The following RIMS1 variants were observed in gnomAD, a reference collection of about 807,000 sequenced individuals.
RIMS1 encodes the protein regulating synaptic membrane exocytosis 1.
A neutral mutation model predicts 214.1 loss-of-function variants in RIMS1; 83 were observed. The ratio of observed to expected loss-of-function variants is 0.39; its 90% CI spans 0.32 to 0.47. The LOEUF (loss-of-function observed/expected upper bound fraction) is 0.47, where lower values mean the gene tolerates loss of function less well. Ranked by LOEUF, RIMS1 falls within the 20% of genes least tolerant of loss-of-function variation. The probability of loss-of-function intolerance (pLI) is 0.99; values close to 1 mark genes in which losing one functional copy is unlikely to be tolerated. For missense variants in RIMS1, 2,050 were observed against 2,161.8 expected (o/e 0.95, Z 1.03); for synonymous variants, 793 against 786.8 (o/e 1.01, Z -0.13).
Position 72,004,703 on chromosome 6 carries a change from T to C in RIMS1, c.245+35640T>C, listed in dbSNP as rs1380295294. Among the ~76,000 whole-genome samples, 16 of 151,998 alleles carry C rather than the reference T, an allele frequency of 1.1e-4. No homozygotes were observed. The East Asian group carries it at 1.9e-3, about 18-fold the overall frequency. On this transcript the variant is annotated intron_variant, in intron 2 of 33. Coordinates refer to ENST00000521978, the MANE Select transcript of RIMS1 (RefSeq NM_014989.7). ...GTGTCTGTTCATATCCTTTGCCCAC[T>C]TTTTGATGGGGTTGTTTGTTTTTTT... is the stretch of plus-strand genomic sequence containing the variant.
intron 1 of RIMS1, among the ~76,000 whole-genome samples, chr6:71,901,488 T>C (rs1416186931): frequency 6.6e-6 from 1 of 151,988 alleles, no homozygotes; most frequent in African/African-American, 2.4e-5. Context: ...AAAAACATTA[T>C]GGTAGATAGG....
At chr6:72,218,012 A>G (rs548938457) in intron 6 of RIMS1, among the ~76,000 whole-genome samples, 1 of 152,072 alleles carries the variant, frequency 6.6e-6, no homozygotes, top group Admixed American at 6.5e-5. Context: ...AAGATCATCT[A>G]TTGATGATTT....
intron 1 of RIMS1, among the ~76,000 whole-genome samples, chr6:71,919,548 G>A (rs976424786): frequency 6.6e-6 from 1 of 152,082 alleles, no homozygotes; most frequent in Non-Finnish European, 1.5e-5. Context: ...GCACTTGGGA[G>A]TCATCAGGAT....
At chr6:72,386,352 G>A (rs138498744) in intron 29 of RIMS1, among the ~76,000 whole-genome samples, 31 of 152,302 alleles carry the variant, frequency 2.0e-4, no homozygotes, top group African/African-American at 6.3e-4. Flanking sequence ...GCACTTCACC[G>A]TCATCTGGAC....
intron 2 of RIMS1, among the ~76,000 whole-genome samples, chr6:72,092,774 G>T (rs1051999286): frequency 6.6e-6 from 1 of 152,052 alleles, no homozygotes; most frequent in African/African-American, 2.4e-5. Flanking sequence ...GAAGAACATG[G>T]TGCCCTGGTG....
intron 23 of RIMS1, among the ~76,000 whole-genome samples, chr6:72,279,956 A>T (rs1315994129): frequency 6.6e-6 from 1 of 151,984 alleles, no homozygotes; most frequent in Non-Finnish European, 1.5e-5. Context: ...AATGACTGAC[A>T]GTTCATTATG....
At chr6:71,957,318 T>C (rs535396820) in intron 1 of RIMS1, among the ~76,000 whole-genome samples, 1 of 152,274 alleles carries the variant, frequency 6.6e-6, no homozygotes, top group Non-Finnish European at 1.5e-5. Context: ...TATGCAGCTT[T>C]TCAAGAGCAA....
At chr6:72,244,669 G>A (rs2068597974) in intron 10 of RIMS1, among the ~76,000 whole-genome samples, 1 of 151,628 alleles carries the variant, frequency 6.6e-6, no homozygotes, top group African/African-American at 2.4e-5. Flanking sequence ...TTATATAAAT[G>A]TATAGTCATA....
intron 4 of RIMS1, among the ~76,000 whole-genome samples, chr6:72,151,635 C>A (rs1428548740): frequency 2.6e-5 from 4 of 152,040 alleles, no homozygotes; most frequent in African/African-American, 4.8e-5. Flanking sequence ...GTCACTAATT[C>A]TTTGTTTTTC....
chr6:71,982,508 G>C (rs771302724), intron 2 of RIMS1, among the ~76,000 whole-genome samples: 8 of 152,066 alleles, frequency 5.3e-5, no homozygotes, highest in Non-Finnish European at 1.0e-4. Flanking sequence ...ACAAACCCAA[G>C]CACAGTCACA....
intron 6 of RIMS1, among the ~76,000 whole-genome samples, chr6:72,230,475 G>GT (rs899327311): frequency 5.3e-5 from 8 of 151,394 alleles, no homozygotes; most frequent in Non-Finnish European, 1.2e-4. Flanking sequence ...TAGAGGAATG[G>GT]TTTTTTTATA....
intron 29 of RIMS1, among the ~76,000 whole-genome samples, chr6:72,347,471 A>G (rs1405013705): frequency 6.6e-6 from 1 of 151,910 alleles, no homozygotes; most frequent in African/African-American, 2.4e-5. Context: ...TAGATCACAG[A>G]AAGTTTATAG....
chr6:72,106,965 A>G (rs1048185203), intron 4 of RIMS1, among the ~76,000 whole-genome samples: 1 of 152,154 alleles, frequency 6.6e-6, no homozygotes, highest in African/African-American at 2.4e-5. Flanking sequence ...ATATACTTTC[A>G]TACCTATTTT....
rs1562294511 is a variant in RIMS1, at chr6:72,093,229, A to ATATATATAT, written c.246-3720_246-3719insTATATATAT. ...ATGTGAGTATATATATATATATATA[A>ATATATATAT]AAACATGTGTGTATATATGTATATA... On this transcript the variant is annotated intron_variant, in intron 2 of 33. Coordinates refer to ENST00000521978, the MANE Select transcript of RIMS1 (RefSeq NM_014989.7). Among the ~76,000 whole-genome samples, 169 of 82,670 alleles carry ATATATATAT rather than the reference A, an allele frequency of 2.0e-3. 1 individual carries two copies. Among genetic ancestry groups the ATATATATAT allele is most frequent in the Middle Eastern group, 7.1e-3 (1 of 140 alleles). 54.2% of individuals were successfully genotyped at this position (82,670 alleles called of 152,430 possible). A position where few individuals can be genotyped will look rare whatever the true frequency, so the allele number is the denominator to read the frequency against.
At chr6:72,270,437 C>T (rs2082473850) in intron 22 of RIMS1, among the ~76,000 whole-genome samples, 1 of 152,242 alleles carries the variant, frequency 6.6e-6, no homozygotes, top group East Asian at 1.9e-4. Context: ...ATAGTGACAA[C>T]ATGATGTATT....
chr6:72,130,928 G>A (rs1359244556), intron 4 of RIMS1, among the ~76,000 whole-genome samples: 1 of 152,062 alleles, frequency 6.6e-6, no homozygotes, highest in East Asian at 1.9e-4. Context: ...CCCAAAACAG[G>A]AAATATTCTA....
At chr6:72,037,912 A>G (rs1342882368) in intron 2 of RIMS1, among the ~76,000 whole-genome samples, 1 of 151,124 alleles carries the variant, frequency 6.6e-6, no homozygotes, top group Non-Finnish European at 1.5e-5. Flanking sequence ...AACATTTGGT[A>G]TTACTTGGCA....
chr6:71,934,491 A>T (rs1297971473), intron 1 of RIMS1, among the ~76,000 whole-genome samples: 1 of 152,170 alleles, frequency 6.6e-6, no homozygotes, highest in Admixed American at 6.5e-5. Context: ...TTTAGGTTGT[A>T]ATGTTAGCAG....
chr6:72,004,721 GT>G (rs1441236177), intron 2 of RIMS1, among the ~76,000 whole-genome samples: 1 of 151,474 alleles, frequency 6.6e-6, no homozygotes, highest in Non-Finnish European at 1.5e-5. Flanking sequence ...GGGGTTGTTT[GT>G]TTTTTTCTTG....
Sources: allele counts gnomAD v4.1 joint callset (sites outside exome capture counted in the v4.1 genomes callset), GRCh38; gene constraint gnomAD v4.1.1; transcripts MANE v1.5; gene names NCBI Gene and HGNC (gene_info 2026-07-23, HGNC 2026-07-21).